PACRG: variants seen among roughly 807,000 people sequenced by gnomAD.
PACRG encodes parkin coregulated gene protein.
Under a neutral mutation model 29.7 loss-of-function variants are expected in PACRG, and 29 were observed. The ratio of observed to expected loss-of-function variants is 0.98; its 90% confidence interval spans 0.73 to 1.33. The LOEUF (loss-of-function observed/expected upper bound fraction) is 1.33. PACRG is among the 40% of genes most tolerant of loss of function. The pLI is 0.00. For synonymous variants in PACRG, 116 were observed against 118.7 expected (o/e 0.98, Z 0.15); for missense variants, 279 against 316.2 (o/e 0.88, Z 0.89).
At chr6:162,811,685 A>G (rs1173345767) in intron 1 of PACRG, among the ~76,000 whole-genome samples, 2 of 152,158 alleles carry the variant, frequency 1.3e-5, no homozygotes, top group African/African-American at 2.4e-5. Flanking sequence ...ATAATAGCCA[A>G]ACCCAGGAAG....
intron 2 of PACRG, among the ~76,000 whole-genome samples, chr6:162,916,247 A>G (rs1319407658): frequency 2.0e-5 from 3 of 152,132 alleles, no homozygotes; most frequent in African/African-American, 7.2e-5. Context: ...CTGGTGAGAA[A>G]TTTGTGATAA....
At chr6:163,276,565 A>C (rs952207552) in intron 4 of PACRG, among the ~76,000 whole-genome samples, 2 of 152,126 alleles carry the variant, frequency 1.3e-5, no homozygotes, top group Non-Finnish European at 2.9e-5. Context: ...CTCTTCCAAT[A>C]TGTGGGTTGC....
intron 4 of PACRG, among the ~76,000 whole-genome samples, chr6:163,187,462 G>A (rs1298482482): frequency 2.0e-5 from 3 of 151,984 alleles, no homozygotes; most frequent in Non-Finnish European, 4.4e-5. Context: ...GAGAGCCCGC[G>A]CTCCTCCCCT....
intron 4 of PACRG, among the ~76,000 whole-genome samples, chr6:163,195,215 T>C (rs1780397066): frequency 1.3e-5 from 2 of 152,246 alleles, no homozygotes; most frequent in South Asian, 4.1e-4. Context: ...CTTTGATGAT[T>C]GGCATTTGAT....
At chr6:163,150,593 G>T (rs1585269426) in intron 4 of PACRG, among the ~76,000 whole-genome samples, 1 of 68,624 alleles carries the variant, frequency 1.5e-5, no homozygotes, top group Non-Finnish European at 2.5e-5. Context: ...AATCCTTCCA[G>T]GCTCAAGTTC....
chr6:162,855,796 G>A (rs1791342605), intron 2 of PACRG, among the ~76,000 whole-genome samples: 1 of 152,196 alleles, frequency 6.6e-6, no homozygotes, highest in Non-Finnish European at 1.5e-5. Flanking sequence ...TCCATAGGGC[G>A]TAGCAGTTCC....
Position 162,972,580 on chromosome 6 carries a change from C to T in PACRG, c.292-89570C>T, listed in dbSNP as rs532130275. On this transcript the variant is annotated intron_variant, in intron 2 of 4. Transcript: ENST00000366888. ...CTGAACAGACAATCTCAGTGCATCCCGGCACCTGCAGATTGGATATATCAG... is the reference window on the plus strand; with the variant it reads ...CTGAACAGACAATCTCAGTGCATCCTGGCACCTGCAGATTGGATATATCAG... Among the ~76,000 whole-genome samples the T allele has an allele frequency of 1.8e-4, 27 of 152,248 alleles. 1 individual carries two copies. The East Asian group carries it at 3.5e-3, about 20-fold the overall frequency.
intron 4 of PACRG, chr6:163,179,317 A>G (rs944751675): frequency 2.0e-5 from 9 of 452,198 alleles, no homozygotes; most frequent in African/African-American, 1.0e-4. Flanking sequence ...CACCTTGCTG[A>G]GCCACTGCTC....
At chr6:162,728,726 G>A (rs1779489291) in intron 1 of PACRG, among the ~76,000 whole-genome samples, 1 of 152,144 alleles carries the variant, frequency 6.6e-6, no homozygotes, top group African/African-American at 2.4e-5. Flanking sequence ...ACTCAGCAAA[G>A]GGCCTTATAG....
chr6:162,999,094 T>C (rs1226510723), intron 2 of PACRG, among the ~76,000 whole-genome samples: 1 of 151,964 alleles, frequency 6.6e-6, no homozygotes, highest in African/African-American at 2.4e-5. Flanking sequence ...GCAGAAAGAA[T>C]ATGAAAAAAA....
intron 2 of PACRG, among the ~76,000 whole-genome samples, chr6:162,986,490 G>A (rs1372334579): frequency 6.6e-6 from 1 of 152,054 alleles, no homozygotes; most frequent in Non-Finnish European, 1.5e-5. Context: ...AATGGTGCTG[G>A]GAATATTGGC....
chr6:163,077,828 C>T (rs1033384046), intron 3 of PACRG, among the ~76,000 whole-genome samples: 2 of 152,132 alleles, frequency 1.3e-5, no homozygotes, highest in African/African-American at 4.8e-5. Flanking sequence ...TGCCTGGTCA[C>T]TCGCCAGAGG....
chr6:162,799,191 G>A (rs1237477599), intron 1 of PACRG, among the ~76,000 whole-genome samples: 1 of 151,988 alleles, frequency 6.6e-6, no homozygotes, highest in Non-Finnish European at 1.5e-5. Context: ...TGAAGATTTT[G>A]GCTCAGGGAA....
At chr6:162,898,975 C>T (rs1441254367) in intron 2 of PACRG, among the ~76,000 whole-genome samples, 10 of 152,084 alleles carry the variant, frequency 6.6e-5, no homozygotes, top group African/African-American at 2.4e-4. Flanking sequence ...CTAATATGAA[C>T]ACTTATAAAC....
intron 4 of PACRG, among the ~76,000 whole-genome samples, chr6:163,213,312 A>C (rs1233461722): frequency 6.6e-6 from 1 of 152,004 alleles, no homozygotes; most frequent in Non-Finnish European, 1.5e-5. Flanking sequence ...CAAGGAAAAA[A>C]AAAACAAAAC....
intron 4 of PACRG, among the ~76,000 whole-genome samples, chr6:163,107,127 C>A (rs1407589882): frequency 1.3e-5 from 2 of 152,054 alleles, no homozygotes; most frequent in East Asian, 3.9e-4. Flanking sequence ...AAAAGAAGGT[C>A]AGTGAATATG....
intron 2 of PACRG, among the ~76,000 whole-genome samples, chr6:163,052,548 T>C (rs1331999520): frequency 2.0e-5 from 3 of 152,162 alleles, no homozygotes; most frequent in Non-Finnish European, 4.4e-5. Context: ...GGGAGGTGAT[T>C]GGATCATGGG....
At chr6:162,819,542 A>G (rs1184683650) in intron 2 of PACRG, among the ~76,000 whole-genome samples, 1 of 152,246 alleles carries the variant, frequency 6.6e-6, no homozygotes. Flanking sequence ...AAATGGATCC[A>G]GTAACAATGT....
chr6:163,089,508 T>C (rs1320095544), intron 4 of PACRG, 100 bp downstream of exon 4: 2 of 1,378,892 alleles, frequency 1.5e-6, no homozygotes, highest in Non-Finnish European at 2.0e-6. Context: ...TATTATTGCA[T>C]ATAAACCATG....
Sources: allele counts gnomAD v4.1 joint callset (sites outside exome capture counted in the v4.1 genomes callset), GRCh38; gene constraint gnomAD v4.1.1; transcripts MANE v1.5; gene names NCBI Gene and HGNC (gene_info 2026-07-23, HGNC 2026-07-21).